Variants in PPP1R12B observed in about 807,000 individuals in gnomAD.
PPP1R12B encodes the protein myosin phosphatase target subunit 2.
A neutral mutation model predicts 126.1 loss-of-function variants in PPP1R12B; 76 were observed. The observed-to-expected ratio is 0.60, with a 90% CI of 0.50 to 0.73. The LOEUF (loss-of-function observed/expected upper bound fraction) is 0.73, where lower values mean the gene tolerates loss of function less well. PPP1R12B is among the 30% of genes least tolerant of loss of function. The pLI is 0.00. For synonymous variants in PPP1R12B, 356 were observed against 434.7 expected, an observed-to-expected ratio of 0.82 and a Z score of 2.25; for missense variants, 1,052 against 1,205.1, an observed-to-expected ratio of 0.87 and a Z score of 1.88.
At chr1:202,464,189 T>C (rs1674685631) in intron 13 of PPP1R12B, among the ~76,000 whole-genome samples, 1 of 152,230 alleles carries the variant, frequency 6.6e-6, no homozygotes, top group South Asian at 2.1e-4. Context: ...GGTTTACTAA[T>C]TAATTAAATG....
At chr1:202,476,341 T>C (rs189679691) in intron 13 of PPP1R12B, among the ~76,000 whole-genome samples, 52 of 151,436 alleles carry the variant, frequency 3.4e-4, no homozygotes, top group Admixed American at 3.9e-4. Flanking sequence ...ATATAGTGTG[T>C]CTTTAATTAT....
chr1:202,539,880 G>A (rs1420427447), intron 18 of PPP1R12B: 3 of 356,536 alleles, frequency 8.4e-6, no homozygotes, highest in Admixed American at 4.6e-5. Flanking sequence ...TACCCTCTAC[G>A]GTAAGCTACC....
At chr1:202,397,495 A>G (rs1665157844) in intron 1 of PPP1R12B, among the ~76,000 whole-genome samples, 1 of 152,174 alleles carries the variant, frequency 6.6e-6, no homozygotes, top group South Asian at 2.1e-4. Flanking sequence ...CTTCAAATAG[A>G]CCAGAAAAAA....
intron 12 of PPP1R12B, among the ~76,000 whole-genome samples, chr1:202,444,439 C>T (rs1356039666): frequency 1.3e-5 from 2 of 152,172 alleles, no homozygotes; most frequent in South Asian, 2.1e-4. Flanking sequence ...GTATTACTTT[C>T]TAGACTTAAA....
chr1:202,580,220 A>G (rs1016268144), intron 23 of PPP1R12B, among the ~76,000 whole-genome samples: 7 of 152,232 alleles, frequency 4.6e-5, no homozygotes, highest in African/African-American at 1.7e-4. Flanking sequence ...TCTGCCTATG[A>G]AGAAATAAGA....
chr1:202,350,778 G>A (rs1332054617), intron 1 of PPP1R12B, among the ~76,000 whole-genome samples: 1 of 151,832 alleles, frequency 6.6e-6, no homozygotes, highest in African/African-American at 2.4e-5. Context: ...CTGCCACCAC[G>A]CCTAGATAAT....
At chr1:202,433,567 G>A (rs979891421) in intron 8 of PPP1R12B, among the ~76,000 whole-genome samples, 7 of 152,160 alleles carry the variant, frequency 4.6e-5, no homozygotes, top group African/African-American at 1.2e-4. Context: ...ACATAGATAA[G>A]GACATATTTT....
At chr1:202,379,359 G>A (rs994300028) in intron 1 of PPP1R12B, among the ~76,000 whole-genome samples, 3 of 152,134 alleles carry the variant, frequency 2.0e-5, no homozygotes, top group African/African-American at 7.2e-5. Context: ...CCTCCAAAGA[G>A]CCTGATTCAT....
At chr1:202,406,129 T>G (rs1344569055) in intron 1 of PPP1R12B, among the ~76,000 whole-genome samples, 1 of 152,218 alleles carries the variant, frequency 6.6e-6, no homozygotes, top group African/African-American at 2.4e-5. Context: ...TCTTGTGTCT[T>G]GTGAAACACT....
intron 18 of PPP1R12B, among the ~76,000 whole-genome samples, chr1:202,533,491 G>GT (rs944276268): frequency 1.1e-4 from 16 of 151,738 alleles, no homozygotes; most frequent in African/African-American, 2.4e-4. Context: ...GTTTTGTTTT[G>GT]TTTTTTTGGT....
At chr1:202,511,762 T>C (rs932022448) in intron 18 of PPP1R12B, among the ~76,000 whole-genome samples, 1 of 148,360 alleles carries the variant, frequency 6.7e-6, no homozygotes, top group East Asian at 2.0e-4. Context: ...ATGATGTATA[T>C]ATACCACAAT....
At position 202,581,359 on chromosome 1, in the gene PPP1R12B, C is replaced by G. The variant is rs976893872; in HGVS notation, c.*799C>G. On this transcript the variant is annotated 3_prime_UTR_variant, in exon 24 of 24. Transcript: ENST00000608999. ...TTGGCCATTGTGGGAAGTCATTATT[C>G]TGGAGACAAGAAAATCATCACTCTG... 1 of 152,448 alleles carries G rather than the reference C, an allele frequency of 6.6e-6. No individual in the cohort carries two copies. Among genetic ancestry groups the G allele is most frequent in the Non-Finnish European group, 1.5e-5 (1 of 68,056 alleles). 9.4% of individuals were successfully genotyped at this position (152,448 alleles called of 1,614,324 possible). A position where few individuals can be genotyped will look rare whatever the true frequency, so the allele number is the denominator to read the frequency against.
intron 18 of PPP1R12B, among the ~76,000 whole-genome samples, chr1:202,528,435 C>T (rs1295419241): frequency 2.6e-5 from 4 of 152,234 alleles, no homozygotes; most frequent in African/African-American, 9.6e-5. Context: ...GCAGTAGACT[C>T]TAGGAATCTA....
rs1669636231 is a variant in PPP1R12B, at chr1:202,427,182, C to A, written c.844C>A (p.Leu282Met). The A allele has an allele frequency of 2.5e-6, 4 of 1,613,888 alleles. No individual in the cohort carries two copies. Among genetic ancestry groups the A allele is most frequent in the Non-Finnish European group, 3.4e-6 (4 of 1,179,952 alleles). ...TTGTGACATGGATATTCGAAATAAA[C>A]TGGTTAGTGAGCCTGAACCTCTAAA... ...ALCDMDIRNK[L>M]GQTPFDVADE... The change falls in exon 5 of 24, where the codon CTG (leucine) becomes ATG (methionine). Residue 282 changes from leucine to methionine, a missense_variant and splice_region_variant. Physicochemically the swap from Leu to Met is conservative, Grantham distance 15. Coordinates refer to ENST00000608999, the MANE Select transcript of PPP1R12B (RefSeq NM_002481.4).
chr1:202,439,122 A>T, intron 10 of PPP1R12B: 1 of 1,573,136 alleles, frequency 6.4e-7, no homozygotes, highest in South Asian at 1.1e-5. Flanking sequence ...TTCGAGGAGG[A>T]GGAGCAGCTC....
intron 19 of PPP1R12B, among the ~76,000 whole-genome samples, chr1:202,561,216 A>G (rs1254783644): frequency 6.6e-6 from 1 of 152,130 alleles, no homozygotes; most frequent in East Asian, 1.9e-4. Context: ...TATTTCTGTC[A>G]TAAGAAATAT....
At chr1:202,551,981 G>A (rs1686376735) in intron 18 of PPP1R12B, among the ~76,000 whole-genome samples, 1 of 152,184 alleles carries the variant, frequency 6.6e-6, no homozygotes, top group Non-Finnish European at 1.5e-5. Context: ...GCCAGCAGCA[G>A]ACTCCTTGAT....
intron 18 of PPP1R12B, among the ~76,000 whole-genome samples, chr1:202,555,668 G>A (rs888905041): frequency 3.3e-5 from 5 of 151,968 alleles, no homozygotes; most frequent in Non-Finnish European, 7.4e-5. Context: ...AAGACGATGT[G>A]GAAAGTACAT....
At chr1:202,428,267 C>T (rs1374597951) in intron 5 of PPP1R12B, among the ~76,000 whole-genome samples, 1 of 152,024 alleles carries the variant, frequency 6.6e-6, no homozygotes, top group Non-Finnish European at 1.5e-5. Flanking sequence ...TGTGCCCAGC[C>T]CATATATGTA....
Sources: allele counts gnomAD v4.1 joint callset (sites outside exome capture counted in the v4.1 genomes callset), GRCh38; gene constraint gnomAD v4.1.1; transcripts MANE v1.5; gene names NCBI Gene and HGNC (gene_info 2026-07-23, HGNC 2026-07-21).